Variants in DIAPH2 observed in about 807,000 individuals in gnomAD.
DIAPH2 encodes the protein diaphanous related formin 2.
Under a neutral mutation model 92.7 loss-of-function variants are expected in DIAPH2, and 35 were observed. That is an observed-to-expected ratio of 0.38 (90% confidence interval 0.29 to 0.50). The LOEUF is 0.50. Among genes scored for constraint, DIAPH2 ranks in the 20% least tolerant of loss-of-function variants. The pLI is 0.94. For synonymous variants in DIAPH2, 301 were observed against 280.4 expected (o/e 1.07, Z -0.73); for missense variants, 701 against 819.5 (o/e 0.86, Z 1.77).
chrX:97,201,416 C>G (rs2067749283), intron 22 of DIAPH2, among the ~76,000 whole-genome samples: 1 of 102,726 alleles, frequency 9.7e-6, no homozygotes, highest in African/African-American at 3.4e-5. Context: ...AGCTAAGAAC[C>G]TTGATAAAAG....
chrX:97,184,871 A>G (rs2067567216), intron 22 of DIAPH2, among the ~76,000 whole-genome samples: 1 of 111,166 alleles, frequency 9.0e-6, no homozygotes, highest in Non-Finnish European at 1.9e-5. Context: ...AGGATCATCT[A>G]ATTTAATCAC....
chrX:97,397,879 C>A (rs778702486), intron 25 of DIAPH2, among the ~76,000 whole-genome samples: 14 of 112,183 alleles, frequency 1.2e-4, no homozygotes. Context: ...TGTCAAAAAC[C>A]CTTTGCACTT....
intron 23 of DIAPH2, among the ~76,000 whole-genome samples, chrX:97,259,829 G>A (rs1310153091): frequency 9.0e-6 from 1 of 111,697 alleles, no homozygotes; most frequent in Non-Finnish European, 1.9e-5. Context: ...ATCATATTAA[G>A]TTTTGTTTTG....
intron 25 of DIAPH2, among the ~76,000 whole-genome samples, chrX:97,414,625 G>T (rs2147763420): frequency 1.0e-5 from 1 of 100,398 alleles, no homozygotes; most frequent in Non-Finnish European, 2.0e-5. Context: ...CTGTACTCCA[G>T]CCTGGGCGAC....
At chrX:96,700,150 A>G (rs1408313742) in intron 1 of DIAPH2, among the ~76,000 whole-genome samples, 2 of 111,936 alleles carry the variant, frequency 1.8e-5, no homozygotes, top group Admixed American at 1.9e-4. Flanking sequence ...CTGGGACTAC[A>G]GGCACATGCC....
intron 17 of DIAPH2, among the ~76,000 whole-genome samples, chrX:97,026,563 G>T (rs1348782156): frequency 9.0e-6 from 1 of 111,599 alleles, no homozygotes; most frequent in Non-Finnish European, 1.9e-5. Context: ...GAGGGTCAGA[G>T]GAATTTTCGT....
intron 24 of DIAPH2, among the ~76,000 whole-genome samples, chrX:97,370,841 T>C (rs1019301760): frequency 3.4e-4 from 38 of 112,140 alleles, no homozygotes; most frequent in African/African-American, 1.2e-3. Context: ...CAGAGGTTAA[T>C]TCGGAACGAG....
chrX:97,026,276 A>G (rs1440145200), intron 17 of DIAPH2, among the ~76,000 whole-genome samples: 2 of 112,259 alleles, frequency 1.8e-5, no homozygotes, highest in African/African-American at 6.5e-5. Context: ...AATACCATTT[A>G]TAATACAAGT....
intron 17 of DIAPH2, among the ~76,000 whole-genome samples, chrX:96,985,437 C>T (rs2066024559): frequency 9.0e-6 from 1 of 110,777 alleles, no homozygotes; most frequent in African/African-American, 3.3e-5. Flanking sequence ...GAAGTTGCTG[C>T]TGCTGTTTTA....
chrX:97,535,952 AAAC>A (rs1292831243), intron 26 of DIAPH2, among the ~76,000 whole-genome samples: 1 of 112,255 alleles, frequency 8.9e-6, no homozygotes, highest in Non-Finnish European at 1.9e-5. Context: ...CAATTTATAC[AAAC>A]AACAGAGAAT....
chrX:97,012,751 T>C (rs752114615), intron 17 of DIAPH2, among the ~76,000 whole-genome samples: 1 of 112,389 alleles, frequency 8.9e-6, no homozygotes, highest in South Asian at 3.7e-4. Flanking sequence ...TACACATTTC[T>C]TTATATGGGT....
chrX:96,743,367 A>G (rs2064131345), intron 3 of DIAPH2, among the ~76,000 whole-genome samples: 1 of 111,537 alleles, frequency 9.0e-6, no homozygotes. Context: ...GCTGGATCAT[A>G]TGGTAGTTCT....
At chrX:97,045,851 T>TTC (rs1321132975) in intron 17 of DIAPH2, among the ~76,000 whole-genome samples, 5 of 92,757 alleles carry the variant, frequency 5.4e-5, no homozygotes, top group African/African-American at 2.0e-4. Flanking sequence ...TTTTAGGATT[T>TTC]TTTTTTTTTT....
chrX:96,916,236 A>T (rs1296841804), intron 7 of DIAPH2, among the ~76,000 whole-genome samples: 1 of 110,887 alleles, frequency 9.0e-6, no homozygotes, highest in Non-Finnish European at 1.9e-5. Context: ...GATATATCTG[A>T]TCAAGGAGCA....
intron 22 of DIAPH2, among the ~76,000 whole-genome samples, chrX:97,161,654 G>C (rs774646838): frequency 1.2e-3 from 136 of 111,377 alleles, no homozygotes; most frequent in African/African-American, 4.4e-3. Context: ...GTTAAGGCTG[G>C]GAAGCCATTG....
chrX:96,934,199 C>A (rs139231566), intron 10 of DIAPH2, among the ~76,000 whole-genome samples: 1 of 111,688 alleles, frequency 9.0e-6, no homozygotes, highest in Non-Finnish European at 1.9e-5. Context: ...ACTATCTAAC[C>A]TACTAATGAA....
At chrX:97,296,327 A>G (rs749626947) in intron 23 of DIAPH2, among the ~76,000 whole-genome samples, 50 of 112,038 alleles carry the variant, frequency 4.5e-4, no homozygotes, top group Middle Eastern at 4.7e-3. Flanking sequence ...TTGTGATCTA[A>G]GCAAACTTAA....
At chrX:97,142,192 A>G (rs11092136) in intron 22 of DIAPH2, among the ~76,000 whole-genome samples, 4,125 of 111,604 alleles carry the variant, frequency 0.037, 194 homozygotes, top group African/African-American at 0.12. Context: ...GTGTATATAT[A>G]CATACACACA....
chrX:97,216,984 A>G (rs757940714), intron 22 of DIAPH2, among the ~76,000 whole-genome samples: 1 of 112,140 alleles, frequency 8.9e-6, no homozygotes, highest in African/African-American at 3.2e-5. Flanking sequence ...TTTCTGTCAC[A>G]TAGTAAACAC....
Sources: allele counts gnomAD v4.1 joint callset (sites outside exome capture counted in the v4.1 genomes callset), GRCh38; gene constraint gnomAD v4.1.1; transcripts MANE v1.5; gene names NCBI Gene and HGNC (gene_info 2026-07-23, HGNC 2026-07-21).